KCNB2: variants seen among roughly 807,000 people sequenced by gnomAD.
The protein encoded by KCNB2 is potassium voltage-gated channel subfamily B member 2.
Under a neutral mutation model 61.5 loss-of-function variants are expected in KCNB2, and 15 were observed. The ratio of observed to expected loss-of-function variants is 0.24; its 90% CI spans 0.16 to 0.38. The LOEUF is 0.38. KCNB2 is among the 10% of genes least tolerant of loss of function. The probability of loss-of-function intolerance (pLI) is 1.00; values close to 1 mark genes in which losing one functional copy is unlikely to be tolerated. For synonymous variants in KCNB2, 457 were observed against 446.0 expected, an observed-to-expected ratio of 1.02 and a Z score of -0.31; for missense variants, 828 against 1,125.2, an observed-to-expected ratio of 0.74 and a Z score of 3.78.
intron 2 of KCNB2, among the ~76,000 whole-genome samples, chr8:72,650,311 G>T (rs190399624): frequency 2.7e-4 from 41 of 152,102 alleles, no homozygotes; most frequent in African/African-American, 8.7e-4. Context: ...ACTTTCAGTC[G>T]CCAGATGCCT....
In KCNB2 at chr8:72,561,772, T is replaced by C. The variant is rs1035687746; in HGVS notation, c.-93-5870T>C. Among the ~76,000 whole-genome samples, 106 of 24,698 alleles carry C rather than the reference T, an allele frequency of 4.3e-3. 5 individuals carry two copies. The highest frequency in any genetic ancestry group is 0.016 in the African/African-American group (95 of 6,034). The allele number at this position is 24,698 out of a possible 152,430, so 16.2% of individuals were successfully genotyped here. Reference sequence around the variant, plus strand: ...GTATATATATATATGGATATATATATATATGGATATATATATACATATATA... The same window carrying C: ...GTATATATATATATGGATATATATACATATGGATATATATATACATATATA... On this transcript the variant is annotated intron_variant, in intron 1 of 2. Transcript: ENST00000523207.
At chr8:72,910,401 C>A (rs2929577) in intron 2 of KCNB2, among the ~76,000 whole-genome samples, 1 of 151,724 alleles carries the variant, frequency 6.6e-6, no homozygotes, top group African/African-American at 2.4e-5. Context: ...AATGCATAGA[C>A]GATACCAGGA....
intron 2 of KCNB2, among the ~76,000 whole-genome samples, chr8:72,805,741 T>C (rs4738281): frequency 0.16 from 23,990 of 152,130 alleles, 2,170 homozygotes; most frequent in East Asian, 0.41. Context: ...TCGAGGTATG[T>C]GACCCTACCA....
intron 2 of KCNB2, among the ~76,000 whole-genome samples, chr8:72,762,453 C>G (rs184162234): frequency 6.6e-6 from 1 of 152,178 alleles, no homozygotes; most frequent in Non-Finnish European, 1.5e-5. Flanking sequence ...TTCTCCTCCA[C>G]GCTTAACATC....
intron 2 of KCNB2, among the ~76,000 whole-genome samples, chr8:72,605,728 G>A (rs1239403381): frequency 2.0e-5 from 3 of 152,070 alleles, no homozygotes; most frequent in Admixed American, 6.6e-5. Context: ...CTTTTTTCCA[G>A]TTTCAACTTT....
At chr8:72,704,376 G>T in intron 2 of KCNB2, among the ~76,000 whole-genome samples, 1 of 152,082 alleles carries the variant, frequency 6.6e-6, no homozygotes, top group East Asian at 1.9e-4. Flanking sequence ...CAAGTAACTT[G>T]CCCAAAATCA....
intron 2 of KCNB2, among the ~76,000 whole-genome samples, chr8:72,657,648 C>A (rs1899078): frequency 0.22 from 33,431 of 151,980 alleles, 4,189 homozygotes; most frequent in East Asian, 0.53. Context: ...CAATTGTATA[C>A]TCACTCAACT....
At chr8:72,704,118 C>T (rs1230272855) in intron 2 of KCNB2, among the ~76,000 whole-genome samples, 1 of 152,122 alleles carries the variant, frequency 6.6e-6, no homozygotes, top group Non-Finnish European at 1.5e-5. Flanking sequence ...CAGATCTTTG[C>T]TGCTAGAGTT....
chr8:72,555,095 C>T (rs1449251032), intron 1 of KCNB2, among the ~76,000 whole-genome samples: 1 of 151,972 alleles, frequency 6.6e-6, no homozygotes, highest in African/African-American at 2.4e-5. Flanking sequence ...TAAGATAATG[C>T]TGGGTTGGAA....
At chr8:72,822,589 C>T (rs1375422971) in intron 2 of KCNB2, among the ~76,000 whole-genome samples, 1 of 152,202 alleles carries the variant, frequency 6.6e-6, no homozygotes, top group East Asian at 1.9e-4. Context: ...TTCTGCTTAC[C>T]TCTCGCCACC....
At chr8:72,839,394 A>T (rs1809838087) in intron 2 of KCNB2, among the ~76,000 whole-genome samples, 1 of 152,180 alleles carries the variant, frequency 6.6e-6, no homozygotes, top group South Asian at 2.1e-4. Context: ...CTTGCCATGT[A>T]ATGTGTTAGG....
intron 1 of KCNB2, among the ~76,000 whole-genome samples, chr8:72,549,199 C>T (rs538734020): frequency 6.6e-6 from 1 of 152,126 alleles, no homozygotes; most frequent in Non-Finnish European, 1.5e-5. Context: ...AGGGTCCAGG[C>T]ATTTCGTCTT....
chr8:72,855,472 C>A (rs1810192140), intron 2 of KCNB2, among the ~76,000 whole-genome samples: 1 of 152,128 alleles, frequency 6.6e-6, no homozygotes, highest in African/African-American at 2.4e-5. Flanking sequence ...GAAGCTTTTT[C>A]TCACTTCCCA....
At chr8:72,546,832 G>C (rs572415074) in intron 1 of KCNB2, among the ~76,000 whole-genome samples, 2 of 152,106 alleles carry the variant, frequency 1.3e-5, no homozygotes, top group African/African-American at 2.4e-5. Flanking sequence ...ATTAAAAAAA[G>C]ACATGGTCTC....
chr8:72,788,437 A>G (rs182374390), intron 2 of KCNB2, among the ~76,000 whole-genome samples: 104 of 152,230 alleles, frequency 6.8e-4, no homozygotes, highest in African/African-American at 2.4e-3. Flanking sequence ...CAGCAGTCCT[A>G]TCGGATTAGG....
intron 2 of KCNB2, among the ~76,000 whole-genome samples, chr8:72,659,350 C>T (rs1289751754): frequency 6.6e-6 from 1 of 152,182 alleles, no homozygotes; most frequent in East Asian, 1.9e-4. Context: ...CACGATTTGT[C>T]TTTAATAGAT....
At position 72,827,959 on chromosome 8, in the gene KCNB2, C is replaced by G. The variant is rs909887649; in HGVS notation, c.580-107976C>G. ...TCCTGAGTAGCTGGGATTACAGGTG[C>G]CTGCCACCATGCCCAGCTAATTTTT... On this transcript the variant is annotated intron_variant, in intron 2 of 2. Transcript: ENST00000523207. Among the ~76,000 whole-genome samples the G allele has an allele frequency of 8.6e-5, 13 of 151,924 alleles. No individual in the cohort carries two copies. In the East Asian group the frequency reaches 1.2e-3, roughly 14 times the overall value.
chr8:72,856,400 A>T (rs1165048544), intron 2 of KCNB2, among the ~76,000 whole-genome samples: 1 of 152,130 alleles, frequency 6.6e-6, no homozygotes, highest in East Asian at 1.9e-4. Flanking sequence ...GGACAGTGCA[A>T]ATCTAAGATA....
At chr8:72,813,826 T>C (rs542033145) in intron 2 of KCNB2, among the ~76,000 whole-genome samples, 1 of 152,256 alleles carries the variant, frequency 6.6e-6, no homozygotes, top group African/African-American at 2.4e-5. Flanking sequence ...TTGAACTTTA[T>C]GTAAATGAAG....
Sources: gnomAD v4.1 joint callset for allele counts (sites outside exome capture counted in the v4.1 genomes callset) on GRCh38, gnomAD v4.1.1 for gene constraint, MANE v1.5 for transcripts, NCBI Gene and HGNC (gene_info 2026-07-23, HGNC 2026-07-21) for gene names.